The following TDRP variants were observed in gnomAD, a reference collection of about 807,000 sequenced individuals.
TDRP encodes the protein testis development-related protein.
A neutral mutation model predicts 10.5 loss-of-function variants in TDRP; 12 were observed. The observed-to-expected ratio is 1.15, with a 90% CI of 0.73 to 1.86. The LOEUF is 1.86. Among genes scored for constraint, TDRP ranks in the 40% most tolerant of loss-of-function variants. The probability of loss-of-function intolerance (pLI) is 0.00; values close to 1 mark genes in which losing one functional copy is unlikely to be tolerated. For missense variants in TDRP, 353 were observed against 229.2 expected, an observed-to-expected ratio of 1.54 and a Z score of -3.49; for synonymous variants, 139 against 95.4, an observed-to-expected ratio of 1.46 and a Z score of -2.67.
chr8:518,142 T>C (rs1417297470), intron 1 of TDRP, among the ~76,000 whole-genome samples: 2 of 152,200 alleles, frequency 1.3e-5, no homozygotes, highest in African/African-American at 2.4e-5. Flanking sequence ...CATCAATGTA[T>C]GTTCGTCAAT....
chr8:516,141 C>A (rs549201026), intron 1 of TDRP, among the ~76,000 whole-genome samples: 191 of 152,168 alleles, frequency 1.3e-3, no homozygotes, highest in African/African-American at 4.5e-3. Flanking sequence ...TACACTGGTC[C>A]GGTAGAGCGG....
At chr8:514,148 A>G (rs1246824167) in intron 1 of TDRP, among the ~76,000 whole-genome samples, 1 of 152,236 alleles carries the variant, frequency 6.6e-6, no homozygotes, top group Admixed American at 6.5e-5. Context: ...ATCTTGAAAA[A>G]GAAGATCAAA....
intron 1 of TDRP, among the ~76,000 whole-genome samples, chr8:500,352 T>C (rs1801254155): frequency 1.3e-5 from 2 of 152,322 alleles, no homozygotes; most frequent in South Asian, 2.1e-4. Context: ...CTGGCTGGCA[T>C]TGAATACACA....
At position 503,485 on chromosome 8, in the gene TDRP, G is replaced by A. The variant is rs139911962; in HGVS notation, c.109-8888C>T. 3.6e-3 allele frequency among the ~76,000 whole-genome samples: 533 copies of A among 147,334 alleles called. 2 individuals are homozygous for A. The highest frequency in any genetic ancestry group is 5.6e-3 in the Non-Finnish European group (375 of 66,868). On this transcript the variant is annotated intron_variant, in intron 1 of 2. Transcript: ENST00000324079. ...AACACGGAATCTAGAGCCATGCATC[G>A]GAACACGTGCCCACCTCAGCACACA...
rs559369392 is a variant in TDRP at position 492,033 on chromosome 8, G to C, written c.*366C>G. The stretch of plus-strand genomic sequence containing the variant: ...TTATACGTGCTACATACAAGAAAAA[G>C]GTACGGAAGTTCTGAAACAGAACTA... On this transcript the variant is annotated 3_prime_UTR_variant, in exon 3 of 3. Transcript: ENST00000324079. The C allele has an allele frequency of 9.0e-7, 1 of 1,116,654 alleles. No homozygotes were observed. Among genetic ancestry groups the C allele is most frequent in the African/African-American group, 1.6e-5 (1 of 61,720 alleles). The allele number at this position is 1,116,654 out of a possible 1,614,324, so 69.2% of individuals were successfully genotyped here.
At chr8:509,636 G>C (rs377145878) in intron 1 of TDRP, among the ~76,000 whole-genome samples, 197 of 152,100 alleles carry the variant, frequency 1.3e-3, no homozygotes, top group African/African-American at 4.4e-3. Context: ...TTTTCCTCCG[G>C]GCCTCCAGGC....
At chr8:516,216 C>A (rs1246959302) in intron 1 of TDRP, among the ~76,000 whole-genome samples, 1 of 152,126 alleles carries the variant, frequency 6.6e-6, no homozygotes. Flanking sequence ...CACATCTAAC[C>A]TATTCCCTTG....
rs1563114318 is a variant in TDRP at position 492,648 on chromosome 8, T to TG, written c.308dup (p.Asp104ArgfsTer2). ...GAGGCTCCCAACCTTCAATTTCATCTGGTTTTTTAGACTGTATATTCTGTT... is the reference window on the plus strand; with the variant it reads ...GAGGCTCCCAACCTTCAATTTCATCTGGGTTTTTTAGACTGTATATTCTGTT... On this transcript the variant is annotated frameshift_variant, in exon 3 of 3. Coordinates refer to ENST00000324079, the MANE Select transcript of TDRP (RefSeq NM_001384899.1). LOFTEE classifies it low-confidence loss of function (END_TRUNC). The TG allele has an allele frequency of 1.2e-6, 2 of 1,614,054 alleles. No individual in the cohort carries two copies.
At chr8:534,907 C>A (rs922278129) in intron 1 of TDRP, among the ~76,000 whole-genome samples, 3 of 152,298 alleles carry the variant, frequency 2.0e-5, no homozygotes, top group African/African-American at 7.2e-5. Context: ...TGGCAGGCAC[C>A]AGTATCATTA....
chr8:500,624 C>T (rs1454134470), intron 1 of TDRP, among the ~76,000 whole-genome samples: 3 of 152,198 alleles, frequency 2.0e-5, no homozygotes, highest in Non-Finnish European at 4.4e-5. Flanking sequence ...TTTGCGTTTT[C>T]TCCTATTTTT....
At chr8:537,811 A>G (rs1012573111) in intron 1 of TDRP, among the ~76,000 whole-genome samples, 3 of 152,226 alleles carry the variant, frequency 2.0e-5, no homozygotes, top group Non-Finnish European at 4.4e-5. Context: ...CCCTGTAAAG[A>G]TAGGATAAAT....
intron 1 of TDRP, among the ~76,000 whole-genome samples, chr8:496,871 TTC>T (rs928778876): frequency 6.6e-6 from 1 of 152,268 alleles, no homozygotes; most frequent in Non-Finnish European, 1.5e-5. Flanking sequence ...CACCTGTCTT[TTC>T]TCTCTCTCTA....
chr8:528,307 G>A (rs1802091103), intron 1 of TDRP, among the ~76,000 whole-genome samples: 1 of 152,182 alleles, frequency 6.6e-6, no homozygotes, highest in Admixed American at 6.5e-5. Context: ...TACACTATTG[G>A]TGGGAATGTA....
intron 1 of TDRP, among the ~76,000 whole-genome samples, chr8:498,205 C>T (rs1301369729): frequency 6.6e-6 from 1 of 152,152 alleles, no homozygotes; most frequent in Non-Finnish European, 1.5e-5. Flanking sequence ...TCGAACCATG[C>T]ACCTGAAAAA....
rs550898565 is a variant in TDRP at position 495,710 on chromosome 8, C to A, written c.109-1113G>T. On this transcript the variant is annotated intron_variant, in intron 1 of 2. Coordinates refer to ENST00000324079, the MANE Select transcript of TDRP (RefSeq NM_001384899.1). ...AAATATAATACAAAAATAAAGCAATCCTGAAAGCTGACCTGAGGCTGCAGC... is the reference window on the plus strand; with the variant it reads ...AAATATAATACAAAAATAAAGCAATACTGAAAGCTGACCTGAGGCTGCAGC... Among the ~76,000 whole-genome samples the A allele has an allele frequency of 1.5e-3, 227 of 152,280 alleles. 1 individual carries two copies. The highest frequency in any genetic ancestry group is 5.1e-3 in the African/African-American group (211 of 41,558).
chr8:507,843 C>G (rs1368287031), intron 1 of TDRP, among the ~76,000 whole-genome samples: 1 of 152,182 alleles, frequency 6.6e-6, no homozygotes, highest in East Asian at 1.9e-4. Context: ...ACAAAATAAT[C>G]TGTACAACAA....
At chr8:528,621 A>G (rs939038349) in intron 1 of TDRP, among the ~76,000 whole-genome samples, 1 of 131,106 alleles carries the variant, frequency 7.6e-6, no homozygotes, top group African/African-American at 2.6e-5. Context: ...CTTTTAAAAA[A>G]TAAGAGTATA....
intron 1 of TDRP, among the ~76,000 whole-genome samples, chr8:496,779 A>G (rs367894920): frequency 2.0e-5 from 3 of 152,210 alleles, no homozygotes; most frequent in East Asian, 3.9e-4. Context: ...CAGGGGAGGG[A>G]CCTGGTGGGA....
At chr8:537,428 G>C (rs1802375938) in intron 1 of TDRP, among the ~76,000 whole-genome samples, 1 of 152,162 alleles carries the variant, frequency 6.6e-6, no homozygotes, top group East Asian at 1.9e-4. Context: ...TCAGTAAAAA[G>C]CATTAACTAT....
Sources: allele counts gnomAD v4.1 joint callset (sites outside exome capture counted in the v4.1 genomes callset), GRCh38; gene constraint gnomAD v4.1.1; transcripts MANE v1.5; gene names NCBI Gene and HGNC (gene_info 2026-07-23, HGNC 2026-07-21).